Variants in LRP1B observed in about 807,000 individuals in gnomAD.
The protein encoded by LRP1B is low-density lipoprotein receptor-related protein 1B.
LRP1B carries 217 observed loss-of-function variants against 556.6 expected under a neutral mutation model. The ratio of observed to expected loss-of-function variants is 0.39; its 90% confidence interval spans 0.35 to 0.44. The LOEUF is 0.44. LRP1B is among the 20% of genes least tolerant of loss of function. The probability of loss-of-function intolerance (pLI) is 1.00; values close to 1 mark genes in which losing one functional copy is unlikely to be tolerated. For missense variants in LRP1B, 5,053 were observed against 5,620.8 expected (o/e 0.90, Z 3.23); for synonymous variants, 2,047 against 1,865.8 (o/e 1.10, Z -2.50).
intron 82 of LRP1B, among the ~76,000 whole-genome samples, chr2:140,319,398 G>A (rs1329656226): frequency 6.6e-6 from 1 of 152,108 alleles, no homozygotes; most frequent in African/African-American, 2.4e-5. Context: ...GTACAGAGGA[G>A]GCACCTGTGA....
chr2:141,062,075 T>C lies in LRP1B; in HGVS notation c.1212A>G (p.Arg404=), dbSNP rs760795279. The C allele has an allele frequency of 1.2e-6, 2 of 1,611,886 alleles. No individual in the cohort carries two copies. The highest frequency in any genetic ancestry group is 1.7e-5 in the Admixed American group (1 of 59,826). ...VGVVDYQGKN[R]HTVIQGRQVR... ...CTTGTCTGCCTTGAATGACAGTGTGTCTATTTTTTCCTTGATAGTCCACTA... is the reference window on the plus strand; with the variant it reads ...CTTGTCTGCCTTGAATGACAGTGTGCCTATTTTTTCCTTGATAGTCCACTA... The change falls in exon 8 of 91, where the codon AGA becomes AGG. Residue 404 remains arginine, a synonymous_variant. Transcript: ENST00000389484.
intron 85 of LRP1B, among the ~76,000 whole-genome samples, chr2:140,270,912 T>C (rs1262059446): frequency 6.6e-6 from 1 of 151,958 alleles, no homozygotes; most frequent in African/African-American, 2.4e-5. Flanking sequence ...ATTTTTATTC[T>C]AACATAAAAA....
In LRP1B at chr2:142,005,595, C is replaced by T. The variant is rs191229640; in HGVS notation, c.82+125053G>A. On this transcript the variant is annotated intron_variant, in intron 1 of 90. Coordinates refer to ENST00000389484, the MANE Select transcript of LRP1B (RefSeq NM_018557.3). ...AGAATTCATTATTAATTATTGTATTCATGTAATGATGAATAAAAGAAAAGA... is the reference window on the plus strand; with the variant it reads ...AGAATTCATTATTAATTATTGTATTTATGTAATGATGAATAAAAGAAAAGA... 2.9e-3 allele frequency among the ~76,000 whole-genome samples: 436 copies of T among 152,184 alleles called. 2 individuals carry two copies. Among genetic ancestry groups the T allele is most frequent in the Admixed American group, 5.2e-3 (80 of 15,270 alleles).
At chr2:140,818,138 T>C (rs1691193043) in intron 31 of LRP1B, among the ~76,000 whole-genome samples, 2 of 152,114 alleles carry the variant, frequency 1.3e-5, no homozygotes, top group South Asian at 4.1e-4. Context: ...CTGGAAAGAG[T>C]ATCACAATGG....
chr2:141,723,313 G>T (rs1692910004), intron 2 of LRP1B, among the ~76,000 whole-genome samples: 2 of 146,456 alleles, frequency 1.4e-5, no homozygotes, highest in Admixed American at 6.8e-5. Flanking sequence ...GTTTTATTGA[G>T]GTATTTATAT....
chr2:140,514,453 C>G (rs984766606), intron 51 of LRP1B, among the ~76,000 whole-genome samples, 200 bp downstream of exon 51: 2 of 151,322 alleles, frequency 1.3e-5, no homozygotes, highest in Non-Finnish European at 3.0e-5. Flanking sequence ...AGGAAAAATA[C>G]CAAATATTGA....
At chr2:140,282,668 A>G (rs1682965392) in intron 84 of LRP1B, among the ~76,000 whole-genome samples, 1 of 151,836 alleles carries the variant, frequency 6.6e-6, no homozygotes, top group Non-Finnish European at 1.5e-5. Flanking sequence ...AGTCTGCACG[A>G]TAATGACACA....
chr2:141,224,816 T>C (rs989503904), intron 6 of LRP1B, among the ~76,000 whole-genome samples: 1 of 144,666 alleles, frequency 6.9e-6, no homozygotes, highest in East Asian at 2.3e-4. Context: ...GAGACTGTCA[T>C]GGGGGTGGGG....
chr2:140,589,744 A>T (rs978158543), intron 43 of LRP1B, among the ~76,000 whole-genome samples: 19 of 152,230 alleles, frequency 1.2e-4, no homozygotes, highest in African/African-American at 3.4e-4. Flanking sequence ...GTTTCTTTAT[A>T]AAGAAGTTAT....
Position 140,496,054 on chromosome 2 carries a change from C to A in LRP1B, c.8851-306G>T, listed in dbSNP as rs77065149. ...AAAAAAAGAGTGAAACTTTCTACTT[C>A]TTTTCTTATTTTTCTATTGCATTAC... On this transcript the variant is annotated intron_variant, in intron 55 of 90. Coordinates refer to ENST00000389484, the MANE Select transcript of LRP1B (RefSeq NM_018557.3). Among the ~76,000 whole-genome samples the A allele has an allele frequency of 3.4e-3, 523 of 152,210 alleles. 7 individuals are homozygous for A. Among genetic ancestry groups the A allele is most frequent in the African/African-American group, 0.012 (488 of 41,558 alleles).
intron 2 of LRP1B, among the ~76,000 whole-genome samples, chr2:141,759,176 A>G (rs1426075933): frequency 3.9e-5 from 6 of 152,186 alleles, no homozygotes; most frequent in Non-Finnish European, 8.8e-5. Flanking sequence ...ACAGAAAGCC[A>G]TGACATAAAA....
At chr2:140,376,326 G>C (rs1683227623) in intron 68 of LRP1B, among the ~76,000 whole-genome samples, 1 of 152,088 alleles carries the variant, frequency 6.6e-6, no homozygotes, top group South Asian at 2.1e-4. Flanking sequence ...CATATCTTGT[G>C]AATATGATTC....
At chr2:141,232,251 T>C (rs1683498660) in intron 5 of LRP1B, among the ~76,000 whole-genome samples, 2 of 152,210 alleles carry the variant, frequency 1.3e-5, no homozygotes, top group South Asian at 4.1e-4. Context: ...GATCATAGAT[T>C]TCTCAGGTGA....
chr2:141,054,302 G>C (rs1574026332), intron 10 of LRP1B, among the ~76,000 whole-genome samples: 1 of 151,994 alleles, frequency 6.6e-6, no homozygotes. Context: ...ACTGGACACT[G>C]TAAAAAGCAG....
intron 3 of LRP1B, among the ~76,000 whole-genome samples, chr2:141,359,615 G>A (rs1248781867): frequency 6.8e-6 from 1 of 147,966 alleles, no homozygotes; most frequent in Non-Finnish European, 1.5e-5. Context: ...AATTAGCGGG[G>A]TGCAGTGGCA....
rs190439760 is a variant in LRP1B, at chr2:141,905,376, G to A, written c.83-94975C>T. ...TGAATTTATTAAAAAGTACAATCAT[G>A]GGAATACTTGGCAGTATTGAGGGCT... On this transcript the variant is annotated intron_variant, in intron 1 of 90. Coordinates refer to ENST00000389484, the MANE Select transcript of LRP1B (RefSeq NM_018557.3). 1.4e-3 allele frequency among the ~76,000 whole-genome samples: 215 copies of A among 151,878 alleles called. 1 individual carries two copies. The highest frequency in any genetic ancestry group is 5.1e-3 in the African/African-American group (213 of 41,494).
At chr2:141,374,665 T>C (rs575598223) in intron 3 of LRP1B, among the ~76,000 whole-genome samples, 5 of 152,266 alleles carry the variant, frequency 3.3e-5, no homozygotes, top group East Asian at 1.9e-4. Flanking sequence ...TAGTCCATCA[T>C]TGAAGCTTTC....
chr2:142,080,509 C>A, intron 1 of LRP1B, among the ~76,000 whole-genome samples: 1 of 150,480 alleles, frequency 6.6e-6, no homozygotes, highest in African/African-American at 2.4e-5. Flanking sequence ...GGAAGTAGCA[C>A]AAGGGTTGAG....
chr2:141,232,750 T>C (rs193246410), intron 5 of LRP1B, among the ~76,000 whole-genome samples: 1 of 152,300 alleles, frequency 6.6e-6, no homozygotes, highest in Admixed American at 6.5e-5. Context: ...AAGGACATAC[T>C]GGAGGAAGGA....
Sources: gnomAD v4.1 joint callset for allele counts (sites outside exome capture counted in the v4.1 genomes callset) on GRCh38, gnomAD v4.1.1 for gene constraint, MANE v1.5 for transcripts, NCBI Gene and HGNC (gene_info 2026-07-23, HGNC 2026-07-21) for gene names.